CASQ2: variants seen among roughly 807,000 people sequenced by gnomAD.
The protein encoded by CASQ2 is calsequestrin-2.
Under a neutral mutation model 46.5 loss-of-function variants are expected in CASQ2, and 49 were observed. The ratio of observed to expected loss-of-function variants is 1.05; its 90% CI spans 0.84 to 1.34. The LOEUF is 1.34. Ranked by LOEUF, CASQ2 falls within the 40% of genes most tolerant of loss-of-function variation. The pLI, the probability that CASQ2 is intolerant of heterozygous loss-of-function variation, is 0.00. For synonymous variants in CASQ2, 174 were observed against 168.5 expected, an observed-to-expected ratio of 1.03 and a Z score of -0.25; for missense variants, 486 against 481.3, an observed-to-expected ratio of 1.01 and a Z score of -0.09.
chr1:115,717,770 G>C (rs778836866), intron 8 of CASQ2, 70 bp downstream of exon 8: 11 of 1,139,180 alleles, frequency 9.7e-6, no homozygotes, highest in Admixed American at 1.7e-5. Context: ...GAAGAGAAAG[G>C]TGAGGGCTGG....
intron 5 of CASQ2, among the ~76,000 whole-genome samples, chr1:115,731,233 G>T (rs1188322468): frequency 6.6e-6 from 1 of 152,174 alleles, no homozygotes; most frequent in African/African-American, 2.4e-5. Context: ...TGGACCACAG[G>T]CATGAAGCTA....
At chr1:115,760,927 A>G (rs946501540) in intron 1 of CASQ2, among the ~76,000 whole-genome samples, 19 of 152,180 alleles carry the variant, frequency 1.2e-4, no homozygotes, top group African/African-American at 4.6e-4. Context: ...CAAAAATAAT[A>G]AAACCTGACT....
chr1:115,760,684 T>G (rs1011054776), intron 1 of CASQ2, among the ~76,000 whole-genome samples: 1 of 152,196 alleles, frequency 6.6e-6, no homozygotes, highest in African/African-American at 2.4e-5. Flanking sequence ...CAGTGACCAA[T>G]TAAACCAGCA....
chr1:115,727,190 C>T, intron 5 of CASQ2, 68 bp from the exon 6 acceptor site: 1 of 1,214,512 alleles, frequency 8.2e-7, no homozygotes, highest in Non-Finnish European at 1.2e-6. Context: ...TGTTGTCCAT[C>T]TAAGATAAGT....
At chr1:115,719,973 A>G (rs1647313168) in intron 7 of CASQ2, among the ~76,000 whole-genome samples, 1 of 152,154 alleles carries the variant, frequency 6.6e-6, no homozygotes, top group African/African-American at 2.4e-5. Flanking sequence ...AATATCTGCT[A>G]TTTGCCACTT....
intron 7 of CASQ2, among the ~76,000 whole-genome samples, chr1:115,724,346 A>C (rs1258959739): frequency 1.3e-5 from 2 of 152,210 alleles, no homozygotes; most frequent in African/African-American, 4.8e-5. Flanking sequence ...TGTGTTGCCC[A>C]GGCTGGAGTG....
At chr1:115,703,966 T>C (rs570668215) in intron 9 of CASQ2, among the ~76,000 whole-genome samples, 1 of 151,230 alleles carries the variant, frequency 6.6e-6, no homozygotes, top group South Asian at 2.1e-4. Flanking sequence ...ATCTGCAAGC[T>C]TGTATAACAA....
At chr1:115,703,998 C>T (rs1301529936) in intron 9 of CASQ2, among the ~76,000 whole-genome samples, 1 of 151,802 alleles carries the variant, frequency 6.6e-6, no homozygotes, top group African/African-American at 2.4e-5. Flanking sequence ...AAACTAGAAA[C>T]ACAACCAGGC....
chr1:115,716,165 C>T (rs1654694682), intron 8 of CASQ2, among the ~76,000 whole-genome samples: 1 of 152,224 alleles, frequency 6.6e-6, no homozygotes, highest in African/African-American at 2.4e-5. Context: ...ACTTCAGAAT[C>T]TGTGCTTCCA....
At chr1:115,706,801 C>T (rs957708059) in intron 8 of CASQ2, among the ~76,000 whole-genome samples, 2 of 152,172 alleles carry the variant, frequency 1.3e-5, no homozygotes, top group African/African-American at 4.8e-5. Flanking sequence ...AACCTCTCCT[C>T]TCTCCAGGAA....
At chr1:115,751,453 G>A (rs1365382296) in intron 1 of CASQ2, among the ~76,000 whole-genome samples, 3 of 151,846 alleles carry the variant, frequency 2.0e-5, no homozygotes, top group African/African-American at 7.3e-5. Flanking sequence ...CGGAACACGA[G>A]GTCAGGAGAT....
intron 1 of CASQ2, among the ~76,000 whole-genome samples, chr1:115,745,696 C>G (rs1648364095): frequency 6.6e-6 from 1 of 152,162 alleles, no homozygotes. Context: ...GGACTTGAAA[C>G]AGAAACAGAA....
In CASQ2 at chr1:115,766,892, T is replaced by TAGAC. The variant is rs200750379; in HGVS notation, c.234+1415_234+1416insGTCT. On this transcript the variant is annotated intron_variant, in intron 1 of 10. Transcript: ENST00000261448. ...ATAGATAGATAGATAGATAGATAGA[T>TAGAC]AGATAGATAGATAGATAGATAGATA... Among the ~76,000 whole-genome samples, 66 of 151,776 alleles carry TAGAC rather than the reference T, an allele frequency of 4.3e-4. No homozygotes were observed. In the East Asian group the frequency reaches 0.013, roughly 29 times the overall value.
chr1:115,726,373 G>A (rs1417353477), intron 6 of CASQ2, among the ~76,000 whole-genome samples: 1 of 152,210 alleles, frequency 6.6e-6, no homozygotes, highest in African/African-American at 2.4e-5. Context: ...GTTTATACAT[G>A]ATCCATGGCT....
chr1:115,732,980 G>A lies in CASQ2; in HGVS notation c.533-6C>T, dbSNP rs545407254. The A allele has an allele frequency of 5.5e-5, 88 of 1,607,636 alleles. No homozygotes were observed. Among genetic ancestry groups the A allele is most frequent in the Admixed American group, 4.7e-4 (28 of 59,934 alleles). On this transcript the variant is annotated splice_region_variant and splice_polypyrimidine_tract_variant and intron_variant, in intron 4 of 10. Coordinates refer to ENST00000261448, the MANE Select transcript of CASQ2 (RefSeq NM_001232.4). ...TTCTTCAAAAGCCTTGTAGTCTAAG[G>A]GGAAAAATAAAGATGAAGGGAGAGA...
chr1:115,721,024 T>C (rs183164023), intron 7 of CASQ2, among the ~76,000 whole-genome samples: 41 of 152,338 alleles, frequency 2.7e-4, no homozygotes, highest in Admixed American at 3.9e-4. Flanking sequence ...CAGTCTCTGT[T>C]GAATGTTTGT....
chr1:115,736,519 C>T (rs1347325766), intron 4 of CASQ2, among the ~76,000 whole-genome samples: 1 of 151,842 alleles, frequency 6.6e-6, no homozygotes, highest in Non-Finnish European at 1.5e-5. Context: ...CACCTGTAAT[C>T]CCAGCTACTC....
rs375598471 is a variant in CASQ2 at position 115,738,281 on chromosome 1, C to A, written c.475G>T (p.Glu159Ter). 2.5e-6 allele frequency: 4 copies of A among 1,614,018 alleles called. No individual in the cohort carries two copies. Among genetic ancestry groups the A allele is most frequent in the Non-Finnish European group, 3.4e-6 (4 of 1,179,878 alleles). Residue 159 changes from glutamate to a stop codon, truncating the protein, a stop_gained, in exon 4 of 11, where the codon GAA (glutamate) becomes TAA (stop). Coordinates refer to ENST00000261448, the MANE Select transcript of CASQ2 (RefSeq NM_001232.4). LOFTEE classifies it high-confidence loss of function. ...AGTTTGATGTAGTCTTCAATGCGTT[C>A]GAAGGCTTGGACTTCCAGTTTGCTG... ...ISSKLEVQAF[E>*]RIEDYIKLIG... is the part of the protein sequence containing the mutation.
chr1:115,759,130 G>A (rs2101118475), intron 1 of CASQ2, among the ~76,000 whole-genome samples: 1 of 152,256 alleles, frequency 6.6e-6, no homozygotes. Flanking sequence ...AATAAAAGAG[G>A]GACATTTCCC....
Sources: gnomAD v4.1 joint callset for allele counts (sites outside exome capture counted in the v4.1 genomes callset) on GRCh38, gnomAD v4.1.1 for gene constraint, MANE v1.5 for transcripts, NCBI Gene and HGNC (gene_info 2026-07-23, HGNC 2026-07-21) for gene names.